METTL25: variants seen among roughly 807,000 people sequenced by gnomAD.
The protein encoded by METTL25 is probable methyltransferase-like protein 25.
A neutral mutation model predicts 71.6 loss-of-function variants in METTL25; 64 were observed. The observed-to-expected ratio is 0.89, with a 90% confidence interval of 0.73 to 1.10. The LOEUF (loss-of-function observed/expected upper bound fraction) is 1.10. Ranked by LOEUF, METTL25 falls within the 50% of genes least tolerant of loss-of-function variation. METTL25 has a pLI of 0.00. For synonymous variants in METTL25, 287 were observed against 250.3 expected, an observed-to-expected ratio of 1.15 and a Z score of -1.38; for missense variants, 807 against 707.0, an observed-to-expected ratio of 1.14 and a Z score of -1.60.
At chr12:82,373,351 A>G (rs1265383091) in intron 1 of METTL25, among the ~76,000 whole-genome samples, 1 of 152,088 alleles carries the variant, frequency 6.6e-6, no homozygotes, top group African/African-American at 2.4e-5. Context: ...CTGTGGCGGG[A>G]TCCTAAAATT....
At chr12:82,426,350 ACG>A (rs1889011520) in intron 5 of METTL25, among the ~76,000 whole-genome samples, 2 of 152,038 alleles carry the variant, frequency 1.3e-5, no homozygotes, top group African/African-American at 4.8e-5. Context: ...TTATGTAACC[ACG>A]TGGTGTCCAG....
chr12:82,366,943 ATAAG>A (rs1882642609), intron 1 of METTL25, among the ~76,000 whole-genome samples: 3 of 152,234 alleles, frequency 2.0e-5, no homozygotes, highest in Admixed American at 2.0e-4. Context: ...TTCTGTAATC[ATAAG>A]TAAGAGAGAG....
intron 8 of METTL25, among the ~76,000 whole-genome samples, chr12:82,446,624 T>G (rs963471610): frequency 2.7e-5 from 4 of 150,890 alleles, no homozygotes; most frequent in Admixed American, 1.3e-4. Flanking sequence ...TTTTTTTTTT[T>G]TTTTGTTTTT....
At chr12:82,477,194 C>G in intron 10 of METTL25, 87 bp from the exon 11 acceptor site, 1 of 605,456 alleles carries the variant, frequency 1.7e-6, no homozygotes, top group Non-Finnish European at 2.9e-6. Context: ...TCTGTAGATA[C>G]ATTTATTTAA....
chr12:82,365,368 A>G (rs555988074), intron 1 of METTL25, among the ~76,000 whole-genome samples: 1 of 152,354 alleles, frequency 6.6e-6, no homozygotes, highest in Admixed American at 6.5e-5. Context: ...ATTTGGACAT[A>G]AAATCAGAAC....
intron 8 of METTL25, among the ~76,000 whole-genome samples, chr12:82,453,825 A>T (rs1891306494): frequency 6.6e-6 from 1 of 151,988 alleles, no homozygotes; most frequent in South Asian, 2.1e-4. Context: ...GATATTATTT[A>T]TTTAATTCAT....
chr12:82,363,944 A>G (rs551933642), intron 1 of METTL25, among the ~76,000 whole-genome samples: 1 of 152,324 alleles, frequency 6.6e-6, no homozygotes, highest in African/African-American at 2.4e-5. Flanking sequence ...GCTCCAAGAA[A>G]ATACACTGGG....
intron 9 of METTL25, among the ~76,000 whole-genome samples, chr12:82,472,395 G>A (rs1043587696): frequency 3.3e-5 from 5 of 152,206 alleles, no homozygotes; most frequent in African/African-American, 1.2e-4. Flanking sequence ...TCAGGAGATC[G>A]AGCCCATCCT....
At chr12:82,375,457 A>G (rs1479934955) in intron 1 of METTL25, among the ~76,000 whole-genome samples, 3 of 150,940 alleles carry the variant, frequency 2.0e-5, no homozygotes, top group East Asian at 1.9e-4. Flanking sequence ...AAAAAAATAT[A>G]TATATGTTCT....
chr12:82,460,220 C>G (rs961237486), intron 9 of METTL25, among the ~76,000 whole-genome samples: 5 of 152,064 alleles, frequency 3.3e-5, no homozygotes, highest in African/African-American at 1.2e-4. Flanking sequence ...TGTCTAGACC[C>G]CCCTTATATA....
chr12:82,415,681 A>G (rs1887921194), intron 5 of METTL25, among the ~76,000 whole-genome samples: 1 of 152,130 alleles, frequency 6.6e-6, no homozygotes, highest in Non-Finnish European at 1.5e-5. Flanking sequence ...TGAGGGAAAG[A>G]ATTCAACCTT....
At chr12:82,455,958 A>G (rs1350808480) in intron 8 of METTL25, among the ~76,000 whole-genome samples, 1 of 151,918 alleles carries the variant, frequency 6.6e-6, no homozygotes, top group Non-Finnish European at 1.5e-5. Flanking sequence ...AAAAAGTGGA[A>G]TTGAGATGCC....
chr12:82,436,210 G>C (rs1717318799), intron 7 of METTL25, among the ~76,000 whole-genome samples: 1 of 151,434 alleles, frequency 6.6e-6, no homozygotes, highest in African/African-American at 2.4e-5. Flanking sequence ...TAGAGCAAAA[G>C]TTTAATAGTG....
intron 1 of METTL25, among the ~76,000 whole-genome samples, chr12:82,376,863 C>T (rs930039079): frequency 6.6e-6 from 1 of 152,110 alleles, no homozygotes; most frequent in East Asian, 1.9e-4. Flanking sequence ...CACCTGTAAT[C>T]CCAGCACTTT....
At chr12:82,398,493 T>C (rs931463823) in intron 3 of METTL25, among the ~76,000 whole-genome samples, 2 of 152,104 alleles carry the variant, frequency 1.3e-5, no homozygotes, top group Non-Finnish European at 2.9e-5. Flanking sequence ...GTTAGCTTTT[T>C]GTATATTCTT....
intron 1 of METTL25, among the ~76,000 whole-genome samples, chr12:82,385,686 A>G (rs934324374): frequency 1.3e-5 from 2 of 152,170 alleles, no homozygotes; most frequent in African/African-American, 4.8e-5. Flanking sequence ...TGCATCCATC[A>G]TAATAAGCAG....
At chr12:82,426,683 T>TTGA (rs1235227954) in intron 5 of METTL25, among the ~76,000 whole-genome samples, 10 of 152,016 alleles carry the variant, frequency 6.6e-5, no homozygotes, top group African/African-American at 2.4e-4. Context: ...GACCATCTTT[T>TTGA]ATTATGCTCC....
intron 1 of METTL25, among the ~76,000 whole-genome samples, chr12:82,378,771 G>C (rs1884140219): frequency 6.6e-6 from 1 of 152,112 alleles, no homozygotes; most frequent in South Asian, 2.1e-4. Flanking sequence ...TCACACTTAT[G>C]ATCCCGGCAT....
At chr12:82,404,208 G>A (rs1249496488) in intron 5 of METTL25, among the ~76,000 whole-genome samples, 2 of 151,926 alleles carry the variant, frequency 1.3e-5, no homozygotes, top group Admixed American at 6.6e-5. Context: ...AATTATGACT[G>A]TATAGAGATA....
Sources: gnomAD v4.1 joint callset for allele counts (sites outside exome capture counted in the v4.1 genomes callset) on GRCh38, gnomAD v4.1.1 for gene constraint, MANE v1.5 for transcripts, NCBI Gene and HGNC (gene_info 2026-07-23, HGNC 2026-07-21) for gene names.